The following RBM47 variants were observed in gnomAD, a reference collection of about 807,000 sequenced individuals.
RBM47 encodes the protein RNA binding motif protein 47, also known as RNA-binding protein 47.
Under a neutral mutation model 47.1 loss-of-function variants are expected in RBM47, and 21 were observed. The ratio of observed to expected loss-of-function variants is 0.45; its 90% CI spans 0.32 to 0.64. The LOEUF (loss-of-function observed/expected upper bound fraction) is 0.64. Among genes scored for constraint, RBM47 ranks in the 30% least tolerant of loss-of-function variants. The pLI is 0.05. For synonymous variants in RBM47, 375 were observed against 361.7 expected (o/e 1.04, Z -0.42); for missense variants, 708 against 870.9 (o/e 0.81, Z 2.35).
Position 40,529,360 on chromosome 4 carries a change from A to G in RBM47, c.-155+15062T>C, listed in dbSNP as rs374350408. Among the ~76,000 whole-genome samples the G allele has an allele frequency of 2.2e-4, 34 of 151,898 alleles. No individual in the cohort carries two copies. The South Asian group carries it at 6.7e-3, about 30-fold the overall frequency. The stretch of plus-strand genomic sequence containing the variant: ...TGGTGAAACCCTGTCTCTACTAAAA[A>G]TAAAAATTAGCTGGGCATGGTAGCA... On this transcript the variant is annotated intron_variant, in intron 2 of 6. Transcript: ENST00000295971.
chr4:40,490,439 G>T (rs1721714005), intron 2 of RBM47, among the ~76,000 whole-genome samples: 1 of 152,124 alleles, frequency 6.6e-6, no homozygotes, highest in Non-Finnish European at 1.5e-5. Context: ...CAACAAGGTT[G>T]CAGGACATAA....
At position 40,462,550 on chromosome 4, in the gene RBM47, C is replaced by G. The variant is rs73150110; in HGVS notation, c.-32+4027G>C. 7.5e-3 allele frequency among the ~76,000 whole-genome samples: 1,138 copies of G among 152,100 alleles called. 22 individuals carry two copies. The highest frequency in any genetic ancestry group is 0.026 in the African/African-American group (1,072 of 41,464). On this transcript the variant is annotated intron_variant, in intron 3 of 6. Coordinates refer to ENST00000295971, the MANE Select transcript of RBM47 (RefSeq NM_001098634.2). Reference sequence around the variant, plus strand: ...CATATTTACAAAACACTTGCTGAGCCCAACTGCCGCCTCACTGCTGTATCC... The same window carrying G: ...CATATTTACAAAACACTTGCTGAGCGCAACTGCCGCCTCACTGCTGTATCC...
intron 2 of RBM47, among the ~76,000 whole-genome samples, chr4:40,524,409 C>A (rs1726503806): frequency 6.6e-6 from 1 of 152,186 alleles, no homozygotes; most frequent in Non-Finnish European, 1.5e-5. Context: ...AATGAGATTT[C>A]TAAAGATGGT....
chr4:40,526,250 TAGTATTTCA>T (rs1726693364), intron 2 of RBM47, among the ~76,000 whole-genome samples: 1 of 152,152 alleles, frequency 6.6e-6, no homozygotes, highest in Non-Finnish European at 1.5e-5. Flanking sequence ...GCCTACTTTG[TAGTATTTCA>T]ATACAAAGCT....
chr4:40,468,265 C>T (rs377751886), intron 2 of RBM47, among the ~76,000 whole-genome samples: 6 of 151,760 alleles, frequency 4.0e-5, no homozygotes, highest in Non-Finnish European at 5.9e-5. Context: ...CCAGCCTGGG[C>T]GACAGAGCAA....
chr4:40,507,311 A>T (rs1452063114), intron 2 of RBM47, among the ~76,000 whole-genome samples: 1 of 151,028 alleles, frequency 6.6e-6, no homozygotes, highest in Non-Finnish European at 1.5e-5. Context: ...CTCCCAGGAA[A>T]CTTCTCAGTA....
At chr4:40,519,207 T>C (rs964445307) in intron 2 of RBM47, among the ~76,000 whole-genome samples, 5 of 151,428 alleles carry the variant, frequency 3.3e-5, no homozygotes, top group Non-Finnish European at 7.4e-5. Flanking sequence ...TGAGATCTTG[T>C]CCTTAAAAAA....
chr4:40,466,171 G>A (rs903925547), intron 3 of RBM47, among the ~76,000 whole-genome samples: 2 of 144,232 alleles, frequency 1.4e-5, no homozygotes, highest in African/African-American at 2.6e-5. Flanking sequence ...GGGAGGCTGA[G>A]TCACGAGAAT....
At chr4:40,540,892 A>C (rs576972389) in intron 2 of RBM47, among the ~76,000 whole-genome samples, 1 of 152,048 alleles carries the variant, frequency 6.6e-6, no homozygotes, top group East Asian at 1.9e-4. Flanking sequence ...GATATAAATC[A>C]TATATAATAT....
At chr4:40,569,046 G>C (rs1365595454) in intron 1 of RBM47, among the ~76,000 whole-genome samples, 1 of 149,140 alleles carries the variant, frequency 6.7e-6, no homozygotes, top group Non-Finnish European at 1.5e-5. Context: ...CAGACAGACA[G>C]ACAGATAGAT....
At chr4:40,530,714 T>C (rs1727306853) in intron 2 of RBM47, among the ~76,000 whole-genome samples, 1 of 152,242 alleles carries the variant, frequency 6.6e-6, no homozygotes, top group African/African-American at 2.4e-5. Context: ...ATATGTCACA[T>C]TCATTCTGTC....
In RBM47 at chr4:40,609,593, G is replaced by A. The variant is rs537872166; in HGVS notation, c.-240+19803C>T. Among the ~76,000 whole-genome samples, 266 of 152,078 alleles carry A rather than the reference G, an allele frequency of 1.7e-3. 3 individuals are homozygous for A. The highest frequency in any genetic ancestry group is 6.1e-3 in the African/African-American group (255 of 41,502). ...CTCCCAAAGTGCTGGGATTACAGGCGTGAGTCACTGCGCCCAGCCATGACC... is the reference window on the plus strand; with the variant it reads ...CTCCCAAAGTGCTGGGATTACAGGCATGAGTCACTGCGCCCAGCCATGACC... On this transcript the variant is annotated intron_variant, in intron 1 of 6. Transcript: ENST00000295971.
At chr4:40,444,846 G>A (rs1304737165) in intron 3 of RBM47, among the ~76,000 whole-genome samples, 2 of 151,792 alleles carry the variant, frequency 1.3e-5, no homozygotes, top group Non-Finnish European at 2.9e-5. Flanking sequence ...TGTATTTTTA[G>A]TAGAGATGGG....
At chr4:40,582,830 T>C (rs1171438015) in intron 1 of RBM47, among the ~76,000 whole-genome samples, 1 of 152,200 alleles carries the variant, frequency 6.6e-6, no homozygotes, top group Non-Finnish European at 1.5e-5. Flanking sequence ...CTACAAAGTC[T>C]AGTCACCACC....
chr4:40,451,304 A>G (rs1715407824), intron 3 of RBM47, among the ~76,000 whole-genome samples: 1 of 152,144 alleles, frequency 6.6e-6, no homozygotes, highest in African/African-American at 2.4e-5. Context: ...TGGTTGAAAC[A>G]CTATCAATTT....
rs182606878 is a variant in RBM47, at chr4:40,440,676, C to T, written c.-31-1752G>A. On this transcript the variant is annotated intron_variant, in intron 3 of 6. Transcript: ENST00000295971. ...TAAGTATGTGGCTTCTGGAGCCAGA[C>T]TGCATATGTTTGTTTGTGAATCTCA... is the stretch of plus-strand genomic sequence containing the variant. 5.1e-4 allele frequency among the ~76,000 whole-genome samples: 77 copies of T among 152,280 alleles called. No individual in the cohort carries two copies. The East Asian group carries it at 8.3e-3, about 16-fold the overall frequency.
intron 1 of RBM47, among the ~76,000 whole-genome samples, chr4:40,575,573 C>G (rs1442554781): frequency 8.6e-6 from 1 of 116,716 alleles, no homozygotes; most frequent in Non-Finnish European, 1.9e-5. Context: ...AAAAAACTAC[C>G]AAGGAATAGC....
chr4:40,426,267 G>A, intron 6 of RBM47, 124 bp from the exon 7 acceptor site: 1 of 1,295,972 alleles, frequency 7.7e-7, no homozygotes, highest in Non-Finnish European at 1.0e-6. Flanking sequence ...GAGAAAGGCA[G>A]AGGGGCGGGC....
At chr4:40,597,972 T>C (rs961742952) in intron 1 of RBM47, among the ~76,000 whole-genome samples, 2 of 152,224 alleles carry the variant, frequency 1.3e-5, no homozygotes, top group Non-Finnish European at 2.9e-5. Flanking sequence ...TTTTGGTCAA[T>C]TTAGCATACC....
Sources: gnomAD v4.1 joint callset for allele counts (sites outside exome capture counted in the v4.1 genomes callset) on GRCh38, gnomAD v4.1.1 for gene constraint, MANE v1.5 for transcripts, NCBI Gene and HGNC (gene_info 2026-07-23, HGNC 2026-07-21) for gene names.